GREB1L: variants seen among roughly 807,000 people sequenced by gnomAD.
GREB1L encodes the protein GREB1-like protein.
In GREB1L, 17 loss-of-function variants were observed where a neutral mutation model predicts 200.8. The observed-to-expected ratio is 0.08, with a 90% CI of 0.06 to 0.13. GREB1L has a LOEUF of 0.13. GREB1L is among the 10% of genes least tolerant of loss of function. The pLI, the probability that GREB1L is intolerant of heterozygous loss-of-function variation, is 1.00. For synonymous variants in GREB1L, 789 were observed against 893.0 expected (o/e 0.88, Z 2.08); for missense variants, 1,657 against 2,367.7 (o/e 0.70, Z 6.23).
At chr18:21,471,620 CTTTTTTTTT>C (rs77038675) in intron 15 of GREB1L, among the ~76,000 whole-genome samples, 3 of 142,352 alleles carry the variant, frequency 2.1e-5, no homozygotes, top group African/African-American at 5.9e-5. Flanking sequence ...TCTTTTGTTT[CTTTTTTTTT>C]TTTTTTTTTT....
intron 1 of GREB1L, among the ~76,000 whole-genome samples, chr18:21,344,691 G>C (rs892077843): frequency 2.6e-5 from 4 of 152,142 alleles, no homozygotes; most frequent in African/African-American, 9.7e-5. Flanking sequence ...AAGGAAAGAT[G>C]GATTTTAATA....
chr18:21,460,138 T>C lies in GREB1L; in HGVS notation c.2182+5575T>C, dbSNP rs112795510. On this transcript the variant is annotated intron_variant, in intron 15 of 32. Transcript: ENST00000424526. ...CCTTTCCAGTTGATGCCGTACTAAA[T>C]TCTTGTTTTGTTTTGTTTTGTCTTG... 5.5e-3 allele frequency among the ~76,000 whole-genome samples: 835 copies of C among 152,260 alleles called. 7 individuals carry two copies. Among genetic ancestry groups the C allele is most frequent in the Non-Finnish European group, 6.9e-3 (469 of 68,000 alleles).
intron 14 of GREB1L, among the ~76,000 whole-genome samples, chr18:21,452,761 A>T (rs1209784157): frequency 6.6e-6 from 1 of 152,196 alleles, no homozygotes; most frequent in Non-Finnish European, 1.5e-5. Flanking sequence ...GACTGGATTC[A>T]TTTGGGTTCA....
At chr18:21,249,269 G>A (rs2143903967) in intron 1 of GREB1L, among the ~76,000 whole-genome samples, 1 of 152,110 alleles carries the variant, frequency 6.6e-6, no homozygotes, top group Non-Finnish European at 1.5e-5. Flanking sequence ...TAGTAGGATG[G>A]GTTGACTTTC....
intron 23 of GREB1L, among the ~76,000 whole-genome samples, chr18:21,503,461 C>G (rs2036882960): frequency 6.6e-6 from 1 of 152,074 alleles, no homozygotes; most frequent in Non-Finnish European, 1.5e-5. Flanking sequence ...CCACCTCGGC[C>G]TCCCAAAGTG....
At chr18:21,384,715 A>C (rs1424068110) in intron 4 of GREB1L, among the ~76,000 whole-genome samples, 2 of 152,098 alleles carry the variant, frequency 1.3e-5, no homozygotes, top group African/African-American at 4.8e-5. Context: ...CAGTATTCCA[A>C]GTACTTTCTG....
In GREB1L at chr18:21,366,857, T is replaced by G. The variant is rs180967507; in HGVS notation, c.-10+721T>G. On this transcript the variant is annotated intron_variant, in intron 2 of 32. Coordinates refer to ENST00000424526, the MANE Select transcript of GREB1L (RefSeq NM_001142966.3). ...AAAAGAACAAGAGGGTCATTGCCAC[T>G]TCAGCCTGGTCCCTGTTTGTTCCTT... Among the ~76,000 whole-genome samples the G allele has an allele frequency of 5.6e-4, 86 of 152,280 alleles. 1 individual carries two copies. The East Asian group carries it at 0.015, about 26-fold the overall frequency.
intron 7 of GREB1L, among the ~76,000 whole-genome samples, chr18:21,428,599 C>T (rs1358756147): frequency 8.0e-6 from 1 of 124,624 alleles, no homozygotes; most frequent in South Asian, 2.5e-4. Flanking sequence ...CCTTGAATTT[C>T]AGCTATAAAT....
At chr18:21,258,368 TC>T (rs2037834760) in intron 1 of GREB1L, among the ~76,000 whole-genome samples, 1 of 152,138 alleles carries the variant, frequency 6.6e-6, no homozygotes, top group Non-Finnish European at 1.5e-5. Context: ...CACTGTTCTA[TC>T]CCCAGCACCT....
chr18:21,352,528 G>T (rs1234604898), intron 1 of GREB1L, among the ~76,000 whole-genome samples: 1 of 151,688 alleles, frequency 6.6e-6, no homozygotes, highest in Non-Finnish European at 1.5e-5. Context: ...CCGCTTCCCG[G>T]GTTCAAGCAA....
At chr18:21,419,309 T>C (rs1051146646) in intron 7 of GREB1L, among the ~76,000 whole-genome samples, 1 of 152,216 alleles carries the variant, frequency 6.6e-6, no homozygotes, top group African/African-American at 2.4e-5. Flanking sequence ...ATTGTCTATG[T>C]AGAAGACCCA....
chr18:21,512,411 T>C (rs1283983559), intron 27 of GREB1L, among the ~76,000 whole-genome samples: 1 of 152,202 alleles, frequency 6.6e-6, no homozygotes, highest in East Asian at 1.9e-4. Context: ...CTTAGTTGAT[T>C]CCTAAGTCTT....
Position 21,388,962 on chromosome 18 carries a change from A to G in GREB1L, c.355+4559A>G, listed in dbSNP as rs1301606720. On this transcript the variant is annotated intron_variant, in intron 4 of 32. Transcript: ENST00000424526. Reference sequence around the variant, plus strand: ...GGGTACATACTATCAACATGATTTAACACTATTGCTGTTGACCTTGGTCAC... The same window carrying G: ...GGGTACATACTATCAACATGATTTAGCACTATTGCTGTTGACCTTGGTCAC... Among the ~76,000 whole-genome samples, 7 of 152,256 alleles carry G rather than the reference A, an allele frequency of 4.6e-5. No homozygotes were observed. In the East Asian group the frequency reaches 1.4e-3, roughly 29 times the overall value.
chr18:21,432,691 ATTTTCTTTT>A (rs2033249508), intron 7 of GREB1L, among the ~76,000 whole-genome samples: 1 of 107,054 alleles, frequency 9.3e-6, no homozygotes, highest in African/African-American at 3.8e-5. Context: ...ATTATTTAAC[ATTTTCTTTT>A]TTTTCTTTTT....
chr18:21,258,196 G>A (rs753056907), intron 1 of GREB1L, among the ~76,000 whole-genome samples: 14 of 152,168 alleles, frequency 9.2e-5, no homozygotes, highest in Non-Finnish European at 1.6e-4. Flanking sequence ...GGTAGCTGCC[G>A]AGGGACATTT....
intron 1 of GREB1L, among the ~76,000 whole-genome samples, chr18:21,304,245 A>ATTG (rs1176938839): frequency 1.3e-5 from 2 of 151,390 alleles, no homozygotes; most frequent in Non-Finnish European, 2.9e-5. Context: ...TATTATTATT[A>ATTG]TTATTATTTC....
intron 18 of GREB1L, among the ~76,000 whole-genome samples, chr18:21,486,847 A>C (rs1001225705): frequency 6.6e-6 from 1 of 152,316 alleles, no homozygotes; most frequent in East Asian, 1.9e-4. Context: ...TCTAATTTTT[A>C]GTAGCTATAG....
chr18:21,329,093 G>A (rs954142138), intron 1 of GREB1L, among the ~76,000 whole-genome samples: 1 of 152,086 alleles, frequency 6.6e-6, no homozygotes, highest in African/African-American at 2.4e-5. Context: ...AGCGACCAAG[G>A]CAGGCAGATT....
chr18:21,292,148 A>G (rs1468476767), intron 1 of GREB1L, among the ~76,000 whole-genome samples: 2 of 152,216 alleles, frequency 1.3e-5, no homozygotes, highest in Non-Finnish European at 2.9e-5. Flanking sequence ...AGGGATGAAG[A>G]CAAGGTAGAA....
Sources: allele counts gnomAD v4.1 joint callset (sites outside exome capture counted in the v4.1 genomes callset), GRCh38; gene constraint gnomAD v4.1.1; transcripts MANE v1.5; gene names NCBI Gene and HGNC (gene_info 2026-07-23, HGNC 2026-07-21).